Variants in CEP97 observed in about 807,000 individuals in gnomAD.
CEP97 encodes the protein centrosomal protein of 97 kDa.
Under a neutral mutation model 73.1 loss-of-function variants are expected in CEP97, and 43 were observed. The ratio of observed to expected loss-of-function variants is 0.59; its 90% CI spans 0.46 to 0.76. The LOEUF (loss-of-function observed/expected upper bound fraction) is 0.76. Ranked by LOEUF, CEP97 falls within the 30% of genes least tolerant of loss-of-function variation. The pLI, the probability that CEP97 is intolerant of heterozygous loss-of-function variation, is 0.00. For synonymous variants in CEP97, 337 were observed against 370.0 expected (o/e 0.91, Z 1.02); for missense variants, 939 against 1,014.0 (o/e 0.93, Z 1.00).
At position 101,765,557 on chromosome 3, in the gene CEP97, C is replaced by A. The variant is rs1418795534; in HGVS notation, c.*6C>A. 1 of 1,578,300 alleles carries A rather than the reference C, an allele frequency of 6.3e-7. No individual in the cohort carries two copies. Among genetic ancestry groups the A allele is most frequent in the African/African-American group, 1.4e-5 (1 of 73,656 alleles). On this transcript the variant is annotated 3_prime_UTR_variant, in exon 11 of 11. Transcript: ENST00000341893. ...ATGTTGGTGTTACTGTGTAGCATGT[C>A]TTTTGGGAGGCAGATATCCACTTAA...
chr3:101,724,844 C>T (rs1448064679), intron 1 of CEP97, 125 bp downstream of exon 1: 11 of 1,005,410 alleles, frequency 1.1e-5, no homozygotes, highest in African/African-American at 3.3e-5. Context: ...GATCTGTGGT[C>T]GTCGCGGAGG....
At chr3:101,724,849 C>T in intron 1 of CEP97, 130 bp downstream of exon 1, 1 of 938,816 alleles carries the variant, frequency 1.1e-6, no homozygotes, top group Non-Finnish European at 1.6e-6. Context: ...GTGGTCGTCG[C>T]GGAGGCGGGC....
intron 6 of CEP97, 105 bp downstream of exon 6, chr3:101,732,759 G>A (rs1345755530): frequency 4.3e-6 from 4 of 934,774 alleles, no homozygotes; most frequent in African/African-American, 3.3e-5. Flanking sequence ...GATAACAAGA[G>A]TATTAGTGCA....
In CEP97 at chr3:101,728,275, T is replaced by G. The variant is rs146449873; in HGVS notation, c.346-561T>G. On this transcript the variant is annotated intron_variant, in intron 3 of 10. Coordinates refer to ENST00000341893, the MANE Select transcript of CEP97 (RefSeq NM_024548.4). The stretch of plus-strand genomic sequence containing the variant: ...ATGGTTTCTTTTGTTTTTTTTTTTT[T>G]TTTGATGGAGTTTTGCTCTTATTGT... Among the ~76,000 whole-genome samples the G allele has an allele frequency of 3.3e-3, 497 of 151,828 alleles. 12 individuals carry two copies. The East Asian group carries it at 0.06, about 18-fold the overall frequency.
intron 9 of CEP97, among the ~76,000 whole-genome samples, chr3:101,762,141 A>G (rs551638366): frequency 6.6e-6 from 1 of 152,134 alleles, no homozygotes; most frequent in Non-Finnish European, 1.5e-5. Flanking sequence ...TGGCTGAGAA[A>G]TTGAAGCCAG....
In CEP97 at chr3:101,743,159, T is replaced by C. The variant is rs1297410829; in HGVS notation, c.728+10505T>C. Among the ~76,000 whole-genome samples, 7 of 151,802 alleles carry C rather than the reference T, an allele frequency of 4.6e-5. No homozygotes were observed. The East Asian group carries it at 9.7e-4, about 21-fold the overall frequency. On this transcript the variant is annotated intron_variant, in intron 6 of 10. Transcript: ENST00000341893. The stretch of plus-strand genomic sequence containing the variant: ...TACTCAGGAGGCTGAAGTGGGAGGA[T>C]TGCTTGAGCCAGGGAGGCAGATGTT...
In CEP97 at chr3:101,731,844, T is replaced by A. The variant is rs772644232; in HGVS notation, c.452T>A (p.Leu151Gln). 1 of 1,577,844 alleles carries A rather than the reference T, an allele frequency of 6.3e-7. No individual in the cohort carries two copies. The highest frequency in any genetic ancestry group is 1.1e-5 in the South Asian group (1 of 89,384). Residue 151 changes from leucine (L) to glutamine (Q), a missense_variant, in exon 5 of 11, where the codon CTG becomes CAG. Leu to Gln is a moderately radical substitution (Grantham distance 113). Coordinates refer to ENST00000341893, the MANE Select transcript of CEP97 (RefSeq NM_024548.4). ...DLSKLVSLKT[L>Q]LLHGNIITSL... ...CATACTGTTTTTACTTTCAAGACCC[T>A]GCTTTTACATGGAAACATCATCACC...
At chr3:101,762,421 G>A (rs1481810198) in intron 9 of CEP97, 64 bp from the exon 10 acceptor site, 2 of 971,900 alleles carry the variant, frequency 2.1e-6, no homozygotes, top group Admixed American at 4.2e-5. Context: ...TTTATGAGTT[G>A]TAACAGGAAG....
intron 6 of CEP97, among the ~76,000 whole-genome samples, chr3:101,752,307 T>C (rs1438048268): frequency 6.6e-6 from 1 of 152,126 alleles, no homozygotes; most frequent in African/African-American, 2.4e-5. Context: ...ACCCGACCTT[T>C]CTCTCTGGCT....
At chr3:101,755,298 G>C (rs1370247487) in intron 6 of CEP97, 132 bp from the exon 7 acceptor site, 7 of 759,070 alleles carry the variant, frequency 9.2e-6, no homozygotes, top group African/African-American at 1.8e-5. Context: ...TAAAAAAATT[G>C]AGTGAATTTT....
intron 1 of CEP97, 80 bp from the exon 2 acceptor site, chr3:101,726,514 T>G (rs1937892753): frequency 2.9e-6 from 3 of 1,045,964 alleles, no homozygotes; most frequent in Non-Finnish European, 4.0e-6. Context: ...TATAGAGATT[T>G]TATAATTCCA....
At chr3:101,762,680 T>C in intron 10 of CEP97, 120 bp downstream of exon 10, 1 of 656,178 alleles carries the variant, frequency 1.5e-6, no homozygotes, top group Non-Finnish European at 2.5e-6. Context: ...AGGGTATGGC[T>C]TGTGTTCTTC....
chr3:101,727,076 T>C (rs1411945105), intron 2 of CEP97, among the ~76,000 whole-genome samples: 1 of 152,208 alleles, frequency 6.6e-6, no homozygotes, highest in Non-Finnish European at 1.5e-5. Flanking sequence ...CTGTATTAAG[T>C]TTTGACTGAG....
chr3:101,769,116 T>C lies in CEP97; in HGVS notation c.*3565T>C, dbSNP rs1939393636. 1 of 152,168 alleles carries C rather than the reference T, an allele frequency of 6.6e-6. No individual in the cohort carries two copies. Among genetic ancestry groups the C allele is most frequent in the Non-Finnish European group, 1.5e-5 (1 of 68,022 alleles). The allele number at this position is 152,168 out of a possible 1,614,324, so 9.4% of individuals were successfully genotyped here. ...TCTACTTAAGTCTAGTTCTACTTTT[T>C]CCCAATAATTTCAGGAAAATACAAG... On this transcript the variant is annotated 3_prime_UTR_variant, in exon 11 of 11. Coordinates refer to ENST00000341893, the MANE Select transcript of CEP97 (RefSeq NM_024548.4).
chr3:101,764,005 C>T (rs945706893), intron 10 of CEP97, among the ~76,000 whole-genome samples: 1 of 152,164 alleles, frequency 6.6e-6, no homozygotes, highest in African/African-American at 2.4e-5. Flanking sequence ...TGGCCCATTC[C>T]CACTCCTGGT....
chr3:101,739,830 G>A lies in CEP97; in HGVS notation c.728+7176G>A, dbSNP rs138964498. ...CTGAGGCAGAGAATTGCTTGAACCC[G>A]GGAGGCGTAGTTTGCAGTGAGCTGA... On this transcript the variant is annotated intron_variant, in intron 6 of 10. Coordinates refer to ENST00000341893, the MANE Select transcript of CEP97 (RefSeq NM_024548.4). Among the ~76,000 whole-genome samples, 559 of 151,894 alleles carry A rather than the reference G, an allele frequency of 3.7e-3. 3 individuals are homozygous for A. The highest frequency in any genetic ancestry group is 5.6e-3 in the Non-Finnish European group (382 of 67,962).
At position 101,727,384 on chromosome 3, in the gene CEP97, T is replaced by C. The variant is rs375541863; in HGVS notation, c.188T>C (p.Leu63Ser). ...NLEKCKRLIQ[L>S]SVANNRLVRM... The stretch of plus-strand genomic sequence containing the variant: ...TAACAATATGTTTCCTTTTTACAGT[T>C]ATCAGTAGCTAATAATCGGCTGGTT... The change falls in exon 3 of 11, where the codon TTA (leucine) becomes TCA (serine). Residue 63 changes from leucine to serine, a missense_variant and splice_region_variant. Transcript: ENST00000341893. 2 of 1,610,614 alleles carry C rather than the reference T, an allele frequency of 1.2e-6. No individual in the cohort carries two copies. The highest frequency in any genetic ancestry group is 1.3e-5 in the African/African-American group (1 of 74,814).
rs1031861779 is a variant in CEP97, at chr3:101,767,958, T to C, written c.*2407T>C. ...ATTAAAATATTTGGTTTTAACTCTA[T>C]GGGCTATTCTTTGGTTGGCTGAAGA... On this transcript the variant is annotated 3_prime_UTR_variant, in exon 11 of 11. Transcript: ENST00000341893. 6.6e-6 allele frequency: 1 copy of C among 152,218 alleles called. No homozygotes were observed. 9.4% of individuals were successfully genotyped at this position (152,218 alleles called of 1,614,324 possible).
At chr3:101,761,846 T>C (rs1939185638) in intron 9 of CEP97, among the ~76,000 whole-genome samples, 1 of 152,176 alleles carries the variant, frequency 6.6e-6, no homozygotes, top group Non-Finnish European at 1.5e-5. Context: ...AATGGATCAC[T>C]AAAGGAGGAG....
Sources: gnomAD v4.1 joint callset for allele counts (sites outside exome capture counted in the v4.1 genomes callset) on GRCh38, gnomAD v4.1.1 for gene constraint, MANE v1.5 for transcripts, NCBI Gene and HGNC (gene_info 2026-07-23, HGNC 2026-07-21) for gene names.